The following ABCC3 variants were observed in gnomAD, a reference collection of about 807,000 sequenced individuals.
The protein encoded by ABCC3 is ATP binding cassette subfamily C member 3.
ABCC3 carries 121 observed loss-of-function variants against 165.3 expected under a neutral mutation model. The ratio of observed to expected loss-of-function variants is 0.73; its 90% CI spans 0.63 to 0.85. The LOEUF is 0.85. Among genes scored for constraint, ABCC3 ranks in the 40% least tolerant of loss-of-function variants. ABCC3 has a pLI of 0.00. For missense variants in ABCC3, 1,869 were observed against 1,964.1 expected (o/e 0.95, Z 0.92); for synonymous variants, 733 against 810.1 (o/e 0.90, Z 1.62).
At chr17:50,664,869 G>A in intron 10 of ABCC3, 1 of 385,654 alleles carries the variant, frequency 2.6e-6, no homozygotes, top group Non-Finnish European at 4.8e-6. Flanking sequence ...GTCTTGGAGG[G>A]AGGTGGGTGT....
In ABCC3 at chr17:50,655,955, C is replaced by T. The variant is rs200070901; in HGVS notation, c.169C>T (p.Arg57Trp). The T allele has an allele frequency of 7.8e-5, 126 of 1,613,978 alleles. No individual in the cohort carries two copies. The highest frequency in any genetic ancestry group is 1.2e-4 in the Admixed American group (7 of 59,994). ...VALPCYLLYLRHHCRGYIILS... is the reference protein window; with the variant it reads ...VALPCYLLYLWHHCRGYIILS... The stretch of plus-strand genomic sequence containing the variant: ...CCTGCCCTGCTACTTGCTCTACCTG[C>T]GGCACCATTGTCGTGGCTACATCAT... The change falls in exon 2 of 31, where the codon CGG becomes TGG. Residue 57 changes from arginine (R) to tryptophan (W), a missense_variant. Transcript: ENST00000285238.
At chr17:50,663,456 A>G in intron 8 of ABCC3, 1 of 577,218 alleles carries the variant, frequency 1.7e-6, no homozygotes, top group Non-Finnish European at 3.1e-6. Flanking sequence ...GGCGTGCAGC[A>G]GGGTCCATGG....
At chr17:50,676,162 G>A (rs567896530) in intron 22 of ABCC3, 72 bp downstream of exon 22, 77 of 1,598,196 alleles carry the variant, frequency 4.8e-5, no homozygotes, top group African/African-American at 2.4e-4. Context: ...CCCCCAAACC[G>A]TGCCCTTGCA....
chr17:50,678,347 C>A, intron 25 of ABCC3, 128 bp downstream of exon 25: 8 of 933,252 alleles, frequency 8.6e-6, no homozygotes, highest in Non-Finnish European at 1.1e-5. Context: ...TTCTCAAGGA[C>A]TGTGAGAAAA....
At chr17:50,637,947 G>A (rs909839607) in intron 1 of ABCC3, among the ~76,000 whole-genome samples, 2 of 152,226 alleles carry the variant, frequency 1.3e-5, no homozygotes, top group African/African-American at 4.8e-5. Flanking sequence ...GGAGACTGGA[G>A]AGGACCATGC....
chr17:50,663,822 G>A lies in ABCC3; in HGVS notation c.1140G>A (p.Lys380=). ...ACTACATCTTTGTGACTGGGGTGAAGTTTCGTACTGGGATCATGGGTGTCA... is the reference window on the plus strand; with the variant it reads ...ACTACATCTTTGTGACTGGGGTGAAATTTCGTACTGGGATCATGGGTGTCA... ...YYHYIFVTGV[K]FRTGIMGVIY... Residue 380 remains lysine, a synonymous_variant, in exon 9 of 31, where the codon AAG becomes AAA. Transcript: ENST00000285238. 4 of 1,614,184 alleles carry A rather than the reference G, an allele frequency of 2.5e-6. No homozygotes were observed. The highest frequency in any genetic ancestry group is 3.4e-6 in the Non-Finnish European group (4 of 1,180,044).
In ABCC3 at chr17:50,664,178, A is replaced by C. The variant is rs117513690; in HGVS notation, c.1338+67A>C. 2.5e-3 allele frequency: 3,938 copies of C among 1,587,256 alleles called. 3 individuals carry two copies. Among genetic ancestry groups the C allele is most frequent in the Non-Finnish European group, 3.1e-3 (3,626 of 1,162,216 alleles). On this transcript the variant is annotated intron_variant, in intron 10 of 30. Transcript: ENST00000285238. ...GCTGCAGAAGTGGCAAGAGAGGATTATTCTGGAACTGGGAGCATGGCACAT... is the reference window on the plus strand; with the variant it reads ...GCTGCAGAAGTGGCAAGAGAGGATTCTTCTGGAACTGGGAGCATGGCACAT...
intron 17 of ABCC3, among the ~76,000 whole-genome samples, chr17:50,670,522 G>A (rs78056364): frequency 0.011 from 1,653 of 152,234 alleles, 11 homozygotes; most frequent in Non-Finnish European, 0.019. Context: ...TAAAATGCCG[G>A]GCTAATATCT....
At position 50,656,788 on chromosome 17, in the gene ABCC3, T is replaced by C. The variant is rs1208753122; in HGVS notation, c.309T>C (p.Pro103=). 2 of 1,613,708 alleles carry C rather than the reference T, an allele frequency of 1.2e-6. No individual in the cohort carries two copies. The highest frequency in any genetic ancestry group is 2.2e-5 in the East Asian group (1 of 44,858). The change falls in exon 3 of 31, where the codon CCT becomes CCC. Residue 103 remains proline, a synonymous_variant. Coordinates refer to ENST00000285238, the MANE Select transcript of ABCC3 (RefSeq NM_003786.4). Reference sequence around the variant, plus strand: ...TGGTCCATGGCCGGGCCCCTGCCCCTGTTTTCTTTGTCACCCCCTTGGTGG... The same window carrying C: ...TGGTCCATGGCCGGGCCCCTGCCCCCGTTTTCTTTGTCACCCCCTTGGTGG... The part of the protein sequence containing the change: ...HGLVHGRAPA[P]VFFVTPLVVG...
Position 50,657,089 on chromosome 17 carries a change from TAC to T in ABCC3, c.394_395del (p.Gln132ValfsTer32), listed in dbSNP as rs1220918080. On this transcript the variant is annotated frameshift_variant, in exon 4 of 31. Coordinates refer to ENST00000285238, the MANE Select transcript of ABCC3 (RefSeq NM_003786.4). LOFTEE classifies it high-confidence loss of function. ...ATACAGTATGAGCGGCTGCAGGGCGTACAGTCTTCGGGGGTCCTCATTATCTT... is the reference window on the plus strand; with the variant it reads ...ATACAGTATGAGCGGCTGCAGGGCGTAGTCTTCGGGGGTCCTCATTATCTT... 6.2e-7 allele frequency: 1 copy of T among 1,614,126 alleles called. No individual in the cohort carries two copies. The highest frequency in any genetic ancestry group is 1.1e-5 in the South Asian group (1 of 91,080).
chr17:50,675,685 G>A lies in ABCC3; in HGVS notation c.2769G>A (p.Arg923=), dbSNP rs1190462471. 2.5e-6 allele frequency: 4 copies of A among 1,572,230 alleles called. No individual in the cohort carries two copies. Among genetic ancestry groups the A allele is most frequent in the Middle Eastern group, 1.7e-4 (1 of 5,896 alleles). Residue 923 remains arginine (R), a synonymous_variant, in exon 21 of 31, where the codon CGG becomes CGA. Transcript: ENST00000285238. ...AGGGACAGGGTCGGCCTGTACCCCG[G>A]AGGCACCTGGGTCCATCAGAGAAGG... ...DGEGQGRPVP[R]RHLGPSEKVQ...
intron 17 of ABCC3, among the ~76,000 whole-genome samples, chr17:50,670,330 G>T (rs886877757): frequency 6.6e-6 from 1 of 151,934 alleles, no homozygotes; most frequent in East Asian, 1.9e-4. Context: ...TGATCCCCCC[G>T]CCTCAGCCTC....
intron 1 of ABCC3, among the ~76,000 whole-genome samples, chr17:50,641,127 G>A (rs1470916566): frequency 6.6e-6 from 1 of 152,262 alleles, no homozygotes; most frequent in Non-Finnish European, 1.5e-5. Context: ...TCGCCTGTAT[G>A]AGTCTGCAGT....
chr17:50,683,242 G>A (rs747613180), intron 26 of ABCC3, among the ~76,000 whole-genome samples: 1 of 150,828 alleles, frequency 6.6e-6, no homozygotes, highest in Non-Finnish European at 1.5e-5. Context: ...ATGGTGGCAT[G>A]TGCCTGTTGT....
chr17:50,687,705 C>CT lies in ABCC3; in HGVS notation c.4452dup (p.Asn1485Ter), dbSNP rs1968049029. 3.1e-6 allele frequency: 5 copies of CT among 1,614,210 alleles called. No homozygotes were observed. Among genetic ancestry groups the CT allele is most frequent in the Non-Finnish European group, 4.2e-6 (5 of 1,180,020 alleles). On this transcript the variant is annotated frameshift_variant, in exon 30 of 31. Transcript: ENST00000285238. LOFTEE classifies it high-confidence loss of function. ...CACTGTCCTGACCATCGCACACCGGCTTAACACTATCATGGACTACACCAG... is the reference window on the plus strand; with the variant it reads ...CACTGTCCTGACCATCGCACACCGGCTTTAACACTATCATGGACTACACCAG...
chr17:50,650,926 G>A lies in ABCC3; in HGVS notation c.46-4906G>A, dbSNP rs71381314. On this transcript the variant is annotated intron_variant, in intron 1 of 30. Transcript: ENST00000285238. Reference sequence around the variant, plus strand: ...TTAAAAATACAAAAATTGGCTGGGCGTGGTGGCGGGCACCTGTAATCCCAG... The same window carrying A: ...TTAAAAATACAAAAATTGGCTGGGCATGGTGGCGGGCACCTGTAATCCCAG... 6.0e-3 allele frequency among the ~76,000 whole-genome samples: 919 copies of A among 152,038 alleles called. 9 individuals are homozygous for A. The highest frequency in any genetic ancestry group is 0.026 in the East Asian group (137 of 5,178).
At chr17:50,673,948 C>CTT (rs757577107) in intron 19 of ABCC3, among the ~76,000 whole-genome samples, 1 of 17,120 alleles carries the variant, frequency 5.8e-5, no homozygotes, top group Non-Finnish European at 1.1e-4. Flanking sequence ...TTCTTTCTTT[C>CTT]TTTCTTTCTT....
chr17:50,648,668 T>TCTTGGTC (rs1418338435), intron 1 of ABCC3, among the ~76,000 whole-genome samples: 1 of 152,158 alleles, frequency 6.6e-6, no homozygotes, highest in Non-Finnish European at 1.5e-5. Flanking sequence ...AGTAGCTGTT[T>TCTTGGTC]CTTGGTCCTT....
At chr17:50,678,312 G>T in intron 25 of ABCC3, 93 bp downstream of exon 25, 1 of 1,347,284 alleles carries the variant, frequency 7.4e-7, no homozygotes, top group Non-Finnish European at 9.8e-7. Context: ...TCCCTGCTCA[G>T]TATGGGCACC....
Sources: allele counts gnomAD v4.1 joint callset (sites outside exome capture counted in the v4.1 genomes callset), GRCh38; gene constraint gnomAD v4.1.1; transcripts MANE v1.5; gene names NCBI Gene and HGNC (gene_info 2026-07-23, HGNC 2026-07-21).